The following SLC7A5 variants were observed in gnomAD, a reference collection of about 807,000 sequenced individuals.
SLC7A5 encodes the protein solute carrier family 7 member 5.
SLC7A5 carries 23 observed loss-of-function variants against 50.2 expected under a neutral mutation model. The ratio of observed to expected loss-of-function variants is 0.46; its 90% confidence interval spans 0.33 to 0.65. The LOEUF (loss-of-function observed/expected upper bound fraction) is 0.65, where lower values mean the gene tolerates loss of function less well. SLC7A5 is among the 30% of genes least tolerant of loss of function. The pLI, the probability that SLC7A5 is intolerant of heterozygous loss-of-function variation, is 0.02. For missense variants in SLC7A5, 578 were observed against 684.4 expected (o/e 0.84, Z 1.73); for synonymous variants, 393 against 330.6 (o/e 1.19, Z -2.05).
Position 87,862,198 on chromosome 16 carries a change from A to G in SLC7A5, c.538+6687T>C, listed in dbSNP as rs2055407557. On this transcript the variant is annotated intron_variant, in intron 1 of 9. Coordinates refer to ENST00000261622, the MANE Select transcript of SLC7A5 (RefSeq NM_003486.7). This position sits in a 1 kb window ranked among gnomAD's most constrained non-coding sequence, Gnocchi z 5.3. ...ACTGAGAAGCGGGGCTACAGGTTAC[A>G]GGTGCTGGATACCCCAGCGGTTGGG... 6.6e-6 allele frequency among the ~76,000 whole-genome samples: 1 copy of G among 152,086 alleles called. No homozygotes were observed. Among genetic ancestry groups the G allele is most frequent in the African/African-American group, 2.4e-5 (1 of 41,388 alleles).
chr16:87,867,881 C>A (rs1296862326), intron 1 of SLC7A5, among the ~76,000 whole-genome samples: 1 of 152,022 alleles, frequency 6.6e-6, no homozygotes, highest in East Asian at 1.9e-4. Flanking sequence ...TTTGGGAGGC[C>A]GAGGCGGGCG....
At chr16:87,864,648 T>C (rs1489215037) in intron 1 of SLC7A5, among the ~76,000 whole-genome samples, 2 of 152,254 alleles carry the variant, frequency 1.3e-5, no homozygotes, top group African/African-American at 4.8e-5. Context: ...CACACAGATA[T>C]TCTGCTCTGC....
At chr16:87,845,387 G>C (rs757451702) in intron 2 of SLC7A5, among the ~76,000 whole-genome samples, 11 of 150,130 alleles carry the variant, frequency 7.3e-5, no homozygotes, top group African/African-American at 9.9e-5. Flanking sequence ...CATGGGTTCA[G>C]TCCAGAGCCC....
At chr16:87,848,498 G>A (rs1013897327) in intron 2 of SLC7A5, among the ~76,000 whole-genome samples, 10 of 152,310 alleles carry the variant, frequency 6.6e-5, no homozygotes, top group African/African-American at 1.9e-4. Flanking sequence ...TCTCCCTTTC[G>A]AAAAGGCTGG....
At chr16:87,866,673 G>A (rs576289439) in intron 1 of SLC7A5, among the ~76,000 whole-genome samples, 12 of 152,234 alleles carry the variant, frequency 7.9e-5, no homozygotes, top group African/African-American at 2.9e-4. Flanking sequence ...CACCATGTTG[G>A]CCAGGCTGGT....
intron 9 of SLC7A5, 121 bp downstream of exon 9, chr16:87,834,293 T>C (rs930157053): frequency 2.1e-6 from 2 of 970,546 alleles, no homozygotes; most frequent in African/African-American, 1.6e-5. Context: ...TGCAGTGACC[T>C]GAACCCTCCT....
chr16:87,839,689 G>C lies in SLC7A5; in HGVS notation c.939+13C>G. 6.2e-7 allele frequency: 1 copy of C among 1,613,034 alleles called. No homozygotes were observed. Among genetic ancestry groups the C allele is most frequent in the Non-Finnish European group, 8.5e-7 (1 of 1,179,804 alleles). ...CTCAGGCCCCTGGTGGAAGCTGGCG[G>C]GTAGCGGCTCACCACGGCCACGGCC... On this transcript the variant is annotated intron_variant, in intron 5 of 9. Coordinates refer to ENST00000261622, the MANE Select transcript of SLC7A5 (RefSeq NM_003486.7).
chr16:87,838,164 G>A (rs2055035784), intron 6 of SLC7A5, among the ~76,000 whole-genome samples: 1 of 152,150 alleles, frequency 6.6e-6, no homozygotes, highest in African/African-American at 2.4e-5. Context: ...ACTCCAGCCC[G>A]GGGGGTCAAG....
rs115915719 is a variant in SLC7A5, at chr16:87,846,454, C to T, written c.664+5270G>A. ...GGGCCCGAAGCTCCATCCTGTCCCC[C>T]AAAACTCAGACGTGGAAGCCCTAAC... is the stretch of plus-strand genomic sequence containing the variant. On this transcript the variant is annotated intron_variant, in intron 2 of 9. Transcript: ENST00000261622. 8.3e-3 allele frequency among the ~76,000 whole-genome samples: 1,271 copies of T among 152,352 alleles called. 13 individuals are homozygous for T. Among genetic ancestry groups the T allele is most frequent in the African/African-American group, 0.029 (1,215 of 41,586 alleles).
Position 87,832,870 on chromosome 16 carries a change from G to A in SLC7A5, c.*100C>T. ...GGACGGCGAGGGACTGGGATGGGCA[G>A]CTGAGCTGTGGGTTGCGGGGAACCG... On this transcript the variant is annotated 3_prime_UTR_variant, in exon 10 of 10. Coordinates refer to ENST00000261622, the MANE Select transcript of SLC7A5 (RefSeq NM_003486.7). The surrounding 1 kb of genome is among the most constrained non-coding windows in gnomAD (Gnocchi z 4.6). The A allele has an allele frequency of 2.1e-6, 2 of 954,222 alleles. No homozygotes were observed. The highest frequency in any genetic ancestry group is 3.4e-6 in the Non-Finnish European group (2 of 583,870). 59.1% of individuals were successfully genotyped at this position (954,222 alleles called of 1,614,324 possible). A position where few individuals can be genotyped will look rare whatever the true frequency, so the allele number is the denominator to read the frequency against.
chr16:87,840,413 C>A lies in SLC7A5; in HGVS notation c.815+16G>T, dbSNP rs775386802. ...AAATAATGAAAAAAGACGGCTCCAT[C>A]CATTCTTGCACGTACCTGTAGGGGT... On this transcript the variant is annotated intron_variant, in intron 4 of 9. Transcript: ENST00000261622. The A allele has an allele frequency of 6.2e-7, 1 of 1,603,836 alleles. No individual in the cohort carries two copies. Among genetic ancestry groups the A allele is most frequent in the East Asian group, 2.2e-5 (1 of 44,830 alleles).
At position 87,862,855 on chromosome 16, in the gene SLC7A5, C is replaced by A. The variant is rs1425949325; in HGVS notation, c.538+6030G>T. ...GTGTCTCAGCTCACAGGTTCCTAAA[C>A]GCATACCCGCCCACACCAATCTGCT... is the stretch of plus-strand genomic sequence containing the variant. On this transcript the variant is annotated intron_variant, in intron 1 of 9. Transcript: ENST00000261622. The surrounding 1 kb of genome is among the most constrained non-coding windows in gnomAD (Gnocchi z 5.3). Among the ~76,000 whole-genome samples the A allele has an allele frequency of 6.6e-6, 1 of 152,222 alleles. No homozygotes were observed. Among genetic ancestry groups the A allele is most frequent in the Admixed American group, 6.5e-5 (1 of 15,284 alleles).
At chr16:87,859,482 C>T (rs2055360901) in intron 1 of SLC7A5, among the ~76,000 whole-genome samples, 1 of 152,176 alleles carries the variant, frequency 6.6e-6, no homozygotes, top group African/African-American at 2.4e-5. Context: ...AAATAAAATT[C>T]TAAGCCCCGT....
At position 87,838,769 on chromosome 16, in the gene SLC7A5, A is replaced by T. The variant is rs1422973446; in HGVS notation, c.988T>A (p.Phe330Ile). The T allele has an allele frequency of 6.2e-7, 1 of 1,614,096 alleles. No individual in the cohort carries two copies. Among genetic ancestry groups the T allele is most frequent in the South Asian group, 1.1e-5 (1 of 91,092 alleles). Residue 330 changes from phenylalanine (F) to isoleucine (I), a missense_variant, in exon 6 of 10, where the codon TTC (phenylalanine) becomes ATC (isoleucine). Transcript: ENST00000261622. ...LGVMSWIIPV[F>I]VGLSCFGSVN... Reference sequence around the variant, plus strand: ...GAGCCGAAGCAGGACAGGCCCACGAAGACGGGGATGATCCAGGACATGACG... The same window carrying T: ...GAGCCGAAGCAGGACAGGCCCACGATGACGGGGATGATCCAGGACATGACG...
intron 2 of SLC7A5, among the ~76,000 whole-genome samples, chr16:87,847,186 C>G (rs7206640): frequency 6.6e-6 from 1 of 152,144 alleles, no homozygotes; most frequent in Non-Finnish European, 1.5e-5. Flanking sequence ...CCCAGGGGGG[C>G]TTCTCAGTCC....
chr16:87,854,187 T>C (rs997760841), intron 1 of SLC7A5, among the ~76,000 whole-genome samples: 5 of 150,812 alleles, frequency 3.3e-5, no homozygotes, highest in African/African-American at 1.2e-4. Context: ...CACCAGATCA[T>C]CTCCTGACGT....
At position 87,831,475 on chromosome 16, in the gene SLC7A5, T is replaced by G. The variant is rs2143689280; in HGVS notation, c.*1495A>C. The G allele has an allele frequency of 6.6e-6, 1 of 152,212 alleles. No homozygotes were observed. Among genetic ancestry groups the G allele is most frequent in the African/African-American group, 2.4e-5 (1 of 41,502 alleles). 9.4% of individuals were successfully genotyped at this position (152,212 alleles called of 1,614,324 possible). A position where few individuals can be genotyped will look rare whatever the true frequency, so the allele number is the denominator to read the frequency against. ...AGCTTGCGGCTTGAGCAGCCGCTGG[T>G]CAGTGAAGCCGTGTCCGGCTTCGTT... On this transcript the variant is annotated 3_prime_UTR_variant, in exon 10 of 10. Transcript: ENST00000261622.
chr16:87,853,305 A>G lies in SLC7A5; in HGVS notation c.539-1456T>C, dbSNP rs951066670. Among the ~76,000 whole-genome samples, 2 of 152,246 alleles carry G rather than the reference A, an allele frequency of 1.3e-5. No individual in the cohort carries two copies. The highest frequency in any genetic ancestry group is 2.9e-5 in the Non-Finnish European group (2 of 68,044). On this transcript the variant is annotated intron_variant, in intron 1 of 9. Coordinates refer to ENST00000261622, the MANE Select transcript of SLC7A5 (RefSeq NM_003486.7). The surrounding 1 kb of genome is among the most constrained non-coding windows in gnomAD (Gnocchi z 4.4). ...GTGCGGGACGGGCTGCCGCCTGCCT[A>G]TCTCTCAGAAATTAACCACCCCGCT...
Position 87,852,686 on chromosome 16 carries a change from G to T in SLC7A5, c.539-837C>A, listed in dbSNP as rs1417889364. 2.4e-3 allele frequency among the ~76,000 whole-genome samples: 336 copies of T among 139,320 alleles called. 1 individual carries two copies. The highest frequency in any genetic ancestry group is 9.4e-3 in the African/African-American group (333 of 35,296). 91.4% of individuals were successfully genotyped at this position (139,320 alleles called of 152,430 possible). Reference sequence around the variant, plus strand: ...TGTGTGTGTGTGTGTGTGTGTGTGTGTTGGGGGTTCTGTTGCAATATATAG... The same window carrying T: ...TGTGTGTGTGTGTGTGTGTGTGTGTTTTGGGGGTTCTGTTGCAATATATAG... On this transcript the variant is annotated intron_variant, in intron 1 of 9. Transcript: ENST00000261622. This position sits in a 1 kb window ranked among gnomAD's most constrained non-coding sequence, Gnocchi z 4.5.
Sources: allele counts gnomAD v4.1 joint callset (sites outside exome capture counted in the v4.1 genomes callset), GRCh38; gene constraint gnomAD v4.1.1; non-coding constraint Gnocchi (gnomAD v3.1); transcripts MANE v1.5; gene names NCBI Gene and HGNC (gene_info 2026-07-23, HGNC 2026-07-21).